Variants in SLC6A4 observed in about 807,000 individuals in gnomAD.
The protein encoded by SLC6A4 is solute carrier family 6 member 4.
A neutral mutation model predicts 73.4 loss-of-function variants in SLC6A4; 22 were observed. The observed-to-expected ratio is 0.30, with a 90% CI of 0.21 to 0.43. The LOEUF (loss-of-function observed/expected upper bound fraction) is 0.43. Ranked by LOEUF, SLC6A4 falls within the 20% of genes least tolerant of loss-of-function variation. The probability of loss-of-function intolerance (pLI) is 1.00; values close to 1 mark genes in which losing one functional copy is unlikely to be tolerated. For synonymous variants in SLC6A4, 270 were observed against 315.5 expected (o/e 0.86, Z 1.53); for missense variants, 593 against 808.5 (o/e 0.73, Z 3.23).
rs199727635 is a variant in SLC6A4, at chr17:30,221,886, C to T, written c.73G>A (p.Gly25Arg). 6.9e-5 allele frequency: 112 copies of T among 1,614,062 alleles called. No homozygotes were observed. Among genetic ancestry groups the T allele is most frequent in the East Asian group, 2.2e-4 (10 of 44,896 alleles). The part of the protein sequence containing the change: ...CEDGEDCQEN[G>R]VLQKVVPTPG... ...GTGGGAACAACCTTCTGTAGAACTC[C>T]GTTTTCCTGACAATCTTCTCCATCT... Residue 25 changes from glycine (G) to arginine (R), a missense_variant, in exon 3 of 15, where the codon GGA (glycine) becomes AGA (arginine). By Grantham distance (125) the Gly-to-Arg change is moderately radical. Transcript: ENST00000650711.
At chr17:30,213,480 T>A (rs1194030743) in intron 8 of SLC6A4, among the ~76,000 whole-genome samples, 1 of 151,908 alleles carries the variant, frequency 6.6e-6, no homozygotes, top group Admixed American at 6.6e-5. Flanking sequence ...TTTTTGTATT[T>A]TTAGTAGAGA....
At chr17:30,224,160 G>A (rs1906857702) in intron 1 of SLC6A4, among the ~76,000 whole-genome samples, 1 of 151,984 alleles carries the variant, frequency 6.6e-6, no homozygotes, top group East Asian at 1.9e-4. Context: ...CTGTGCGGCT[G>A]GAGGGCACCG....
At chr17:30,233,716 A>C (rs906726104) in intron 1 of SLC6A4, among the ~76,000 whole-genome samples, 5 of 152,214 alleles carry the variant, frequency 3.3e-5, no homozygotes, top group African/African-American at 1.2e-4. Context: ...TCTCAACAAC[A>C]ACCAAAAGTG....
chr17:30,221,869 A>G lies in SLC6A4; in HGVS notation c.90T>C (p.Val30=). The change falls in exon 3 of 15, where the codon GTT becomes GTC. Residue 30 remains valine, a synonymous_variant. Coordinates refer to ENST00000650711, the MANE Select transcript of SLC6A4 (RefSeq NM_001045.6). ...CCACTTTGTCCCCTGGGGTGGGAACAACCTTCTGTAGAACTCCGTTTTCCT... is the reference window on the plus strand; with the variant it reads ...CCACTTTGTCCCCTGGGGTGGGAACGACCTTCTGTAGAACTCCGTTTTCCT... ...DCQENGVLQK[V]VPTPGDKVES... is the part of the protein sequence containing the mutation. 6.2e-7 allele frequency: 1 copy of G among 1,614,138 alleles called. No individual in the cohort carries two copies. Among genetic ancestry groups the G allele is most frequent in the Non-Finnish European group, 8.5e-7 (1 of 1,180,012 alleles).
At chr17:30,233,177 C>T (rs575555771) in intron 1 of SLC6A4, among the ~76,000 whole-genome samples, 4 of 152,258 alleles carry the variant, frequency 2.6e-5, no homozygotes, top group Non-Finnish European at 4.4e-5. Context: ...TGAGATGTTT[C>T]GCTCCACACC....
intron 1 of SLC6A4, among the ~76,000 whole-genome samples, chr17:30,225,951 G>C (rs1168028557): frequency 6.6e-6 from 1 of 152,116 alleles, no homozygotes; most frequent in Non-Finnish European, 1.5e-5. Flanking sequence ...CTATAGCCAG[G>C]AGCAACCCGT....
intron 5 of SLC6A4, 150 bp from the exon 6 acceptor site, chr17:30,217,454 G>A (rs574288667): frequency 6.9e-6 from 5 of 724,012 alleles, no homozygotes; most frequent in Non-Finnish European, 1.1e-5. Context: ...AGCTGGGATT[G>A]GCCCTGCCTG....
rs559220262 is a variant in SLC6A4, at chr17:30,211,630, G to A, written c.1205-206C>T. Among the ~76,000 whole-genome samples, 1 of 152,310 alleles carries A rather than the reference G, an allele frequency of 6.6e-6. No individual in the cohort carries two copies. The highest frequency in any genetic ancestry group is 2.4e-5 in the African/African-American group (1 of 41,572). On this transcript the variant is annotated intron_variant, in intron 9 of 14. Coordinates refer to ENST00000650711, the MANE Select transcript of SLC6A4 (RefSeq NM_001045.6). The surrounding 1 kb of genome is among the most constrained non-coding windows in gnomAD (Gnocchi z 4.0). ...AGTTCCTGGGAGGCAGGAAGGGTGGGGCTTCCATCTTGAAAACTGTGTGCC... is the reference window on the plus strand; with the variant it reads ...AGTTCCTGGGAGGCAGGAAGGGTGGAGCTTCCATCTTGAAAACTGTGTGCC...
chr17:30,228,736 A>C (rs1484776868), intron 1 of SLC6A4, among the ~76,000 whole-genome samples: 1 of 152,098 alleles, frequency 6.6e-6, no homozygotes, highest in Non-Finnish European at 1.5e-5. Flanking sequence ...ATAAGCTTCT[A>C]TCCACCTCCT....
rs1906776582 is a variant in SLC6A4, at chr17:30,221,966, G to C, written c.-8C>G. The C allele has an allele frequency of 6.2e-7, 1 of 1,613,978 alleles. No individual in the cohort carries two copies. On this transcript the variant is annotated 5_prime_UTR_variant, in exon 3 of 15. Coordinates refer to ENST00000650711, the MANE Select transcript of SLC6A4 (RefSeq NM_001045.6). ...CAAGGGCGTCGTCTCCATCCTGCTG[G>C]TTAGTAAATGACACTGATGTCCATC...
chr17:30,207,944 C>T, intron 12 of SLC6A4, 112 bp from the exon 13 acceptor site: 1 of 738,112 alleles, frequency 1.4e-6, no homozygotes, highest in Non-Finnish European at 2.3e-6. Flanking sequence ...CTGGGAATGA[C>T]AAGGGGAAAT....
In SLC6A4 at chr17:30,235,015, G is replaced by T. The variant is rs1907225330; in HGVS notation, c.-221+598C>A. 6.6e-6 allele frequency among the ~76,000 whole-genome samples: 1 copy of T among 152,084 alleles called. No homozygotes were observed. The highest frequency in any genetic ancestry group is 1.5e-5 in the Non-Finnish European group (1 of 68,034). On this transcript the variant is annotated intron_variant, in intron 1 of 14. Transcript: ENST00000650711. The surrounding 1 kb of genome is among the most constrained non-coding windows in gnomAD (Gnocchi z 4.5). ...TATCCTTCAACCACGTAGCACAGTCGTTGGAGTTGGAGTTTCACATACATT... is the reference window on the plus strand; with the variant it reads ...TATCCTTCAACCACGTAGCACAGTCTTTGGAGTTGGAGTTTCACATACATT...
chr17:30,219,099 C>T (rs1906671095), intron 3 of SLC6A4, among the ~76,000 whole-genome samples, 168 bp from the exon 4 acceptor site: 1 of 152,186 alleles, frequency 6.6e-6, no homozygotes, highest in African/African-American at 2.4e-5. Flanking sequence ...TTGCTAGAAG[C>T]AGTCGTAGGG....
At chr17:30,200,764 A>G (rs1470349715) in intron 14 of SLC6A4, among the ~76,000 whole-genome samples, 2 of 152,164 alleles carry the variant, frequency 1.3e-5, no homozygotes, top group Non-Finnish European at 2.9e-5. Context: ...CCTCAGGTAA[A>G]CAAACCTGTT....
intron 1 of SLC6A4, among the ~76,000 whole-genome samples, chr17:30,229,518 T>C (rs1245670632): frequency 6.6e-6 from 1 of 152,154 alleles, no homozygotes; most frequent in Admixed American, 6.5e-5. Context: ...GAGATCCTTG[T>C]ACAGATTCCA....
rs61704709 is a variant in SLC6A4 at position 30,218,108 on chromosome 17, G to A, written c.698+10C>T. 34 of 1,611,714 alleles carry A rather than the reference G, an allele frequency of 2.1e-5. No homozygotes were observed. Among genetic ancestry groups the A allele is most frequent in the Middle Eastern group, 1.7e-4 (1 of 6,048 alleles). On this transcript the variant is annotated intron_variant, in intron 5 of 14. Transcript: ENST00000650711. ...CCTAACAGGCCAACCCCTCACTTAC[G>A]TGCACTTACGTGTAAAATTCTTCAG...
intron 8 of SLC6A4, among the ~76,000 whole-genome samples, chr17:30,213,734 C>CATTTATTT (rs10554393): frequency 2.3e-4 from 34 of 150,484 alleles, no homozygotes; most frequent in African/African-American, 8.1e-4. Flanking sequence ...TGATGGGTGA[C>CATTTATTT]ATTTATTTAT....
chr17:30,232,753 C>T (rs907840489), intron 1 of SLC6A4, among the ~76,000 whole-genome samples: 8 of 152,216 alleles, frequency 5.3e-5, no homozygotes, highest in African/African-American at 9.6e-5. Flanking sequence ...CATTTAAAAG[C>T]GCGTTGTTGA....
At chr17:30,208,327 A>C (rs952832145) in intron 12 of SLC6A4, among the ~76,000 whole-genome samples, 6 of 152,220 alleles carry the variant, frequency 3.9e-5, no homozygotes, top group African/African-American at 1.4e-4. Context: ...GAAACTTTCA[A>C]GGGAAATTTT....
Sources: gnomAD v4.1 joint callset for allele counts (sites outside exome capture counted in the v4.1 genomes callset) on GRCh38, gnomAD v4.1.1 for gene constraint, Gnocchi (gnomAD v3.1) non-coding constraint, MANE v1.5 for transcripts, NCBI Gene and HGNC (gene_info 2026-07-23, HGNC 2026-07-21) for gene names.